The following INVS variants were observed in gnomAD, a reference collection of about 807,000 sequenced individuals.
INVS encodes inversin.
A neutral mutation model predicts 108.8 loss-of-function variants in INVS; 86 were observed. That is an observed-to-expected ratio of 0.79 (90% CI 0.66 to 0.95). The LOEUF (loss-of-function observed/expected upper bound fraction) is 0.95. Ranked by LOEUF, INVS falls within the 40% of genes least tolerant of loss-of-function variation. The pLI is 0.00. For missense variants in INVS, 1,169 were observed against 1,297.4 expected (o/e 0.90, Z 1.52); for synonymous variants, 455 against 473.5 (o/e 0.96, Z 0.51).
intron 3 of INVS, among the ~76,000 whole-genome samples, chr9:100,160,311 T>C (rs1829129342): frequency 6.6e-6 from 1 of 152,206 alleles, no homozygotes; most frequent in Non-Finnish European, 1.5e-5. Flanking sequence ...GCACCATTTG[T>C]ACACCTCGTA....
intron 8 of INVS, 111 bp from the exon 9 acceptor site, chr9:100,252,172 A>T: frequency 1.7e-6 from 2 of 1,206,272 alleles, no homozygotes; most frequent in Non-Finnish European, 2.4e-6. Flanking sequence ...TAAAATGGAG[A>T]TTGCATTTAT....
rs79770620 is a variant in INVS at position 100,198,244 on chromosome 9, T to C, written c.274-27818T>C. 3.5e-3 allele frequency among the ~76,000 whole-genome samples: 505 copies of C among 145,310 alleles called. 4 individuals are homozygous for C. The highest frequency in any genetic ancestry group is 0.012 in the African/African-American group (474 of 39,728). On this transcript the variant is annotated intron_variant, in intron 3 of 16. Coordinates refer to ENST00000262457, the MANE Select transcript of INVS (RefSeq NM_014425.5). ...CCTCAACTTTAATGGTGTTGACACA[T>C]TTGAAGATTGAGGGCTAGAATTTTT...
chr9:100,101,025 TTA>T (rs973040485), intron 1 of INVS, among the ~76,000 whole-genome samples: 33 of 85,440 alleles, frequency 3.9e-4, no homozygotes, highest in Non-Finnish European at 6.7e-4. Context: ...TGTATATATA[TTA>T]TATATATTAT....
intron 3 of INVS, among the ~76,000 whole-genome samples, chr9:100,153,759 A>G (rs552857906): frequency 6.6e-6 from 1 of 152,316 alleles, no homozygotes; most frequent in East Asian, 1.9e-4. Context: ...TCCACAGTGG[A>G]AAGCAGAAGG....
At chr9:100,100,803 G>T (rs866687421) in intron 1 of INVS, among the ~76,000 whole-genome samples, 2 of 3,266 alleles carry the variant, frequency 6.1e-4, no homozygotes, top group Non-Finnish European at 9.5e-4. Context: ...TATAATATAT[G>T]TATATATAAT....
At chr9:100,131,962 T>C in intron 3 of INVS, 8 of 931,968 alleles carry the variant, frequency 8.6e-6, no homozygotes, top group Non-Finnish European at 1.0e-5. Context: ...CAGGTAACAC[T>C]ATTAGGTTTT....
intron 3 of INVS, among the ~76,000 whole-genome samples, chr9:100,162,150 G>T (rs73507828): frequency 6.6e-6 from 1 of 152,280 alleles, no homozygotes; most frequent in African/African-American, 2.4e-5. Context: ...GTTCAGAAAT[G>T]CAGTCTATGC....
intron 8 of INVS, among the ~76,000 whole-genome samples, chr9:100,248,038 G>A (rs1056324286): frequency 1.3e-5 from 2 of 151,838 alleles, no homozygotes; most frequent in East Asian, 1.9e-4. Flanking sequence ...GGCTGGTCTC[G>A]AACTTCTGAG....
intron 3 of INVS, among the ~76,000 whole-genome samples, chr9:100,185,679 A>G (rs1009230442): frequency 3.3e-5 from 5 of 151,604 alleles, no homozygotes; most frequent in African/African-American, 1.2e-4. Context: ...CCCAATATGT[A>G]GCTTTTTATT....
At chr9:100,209,980 C>T (rs911723580) in intron 3 of INVS, among the ~76,000 whole-genome samples, 2 of 152,102 alleles carry the variant, frequency 1.3e-5, no homozygotes, top group African/African-American at 2.4e-5. Flanking sequence ...ATCCTCCACA[C>T]ACAATGCCGT....
At chr9:100,189,000 T>A (rs953824069) in intron 3 of INVS, among the ~76,000 whole-genome samples, 1 of 152,072 alleles carries the variant, frequency 6.6e-6, no homozygotes, top group African/African-American at 2.4e-5. Context: ...TTCACAGTAG[T>A]CTCAAATGAT....
chr9:100,178,204 A>G (rs1024432232), intron 3 of INVS, among the ~76,000 whole-genome samples: 1 of 152,212 alleles, frequency 6.6e-6, no homozygotes, highest in Non-Finnish European at 1.5e-5. Flanking sequence ...AAATTCCAAA[A>G]ACCAGAACAC....
intron 3 of INVS, among the ~76,000 whole-genome samples, chr9:100,132,797 T>G (rs1828092956): frequency 6.6e-6 from 1 of 152,060 alleles, no homozygotes; most frequent in Non-Finnish European, 1.5e-5. Flanking sequence ...TTTAATTATC[T>G]TAAGCATAGA....
intron 7 of INVS, 99 bp from the exon 8 acceptor site, chr9:100,246,517 C>T (rs1458838567): frequency 1.2e-6 from 1 of 809,724 alleles, no homozygotes; most frequent in Non-Finnish European, 2.0e-6. Context: ...GGGGAAAATG[C>T]TTTGCTTCTT....
intron 1 of INVS, among the ~76,000 whole-genome samples, chr9:100,103,489 G>C (rs117437066): frequency 7.2e-4 from 109 of 152,054 alleles, no homozygotes; most frequent in Non-Finnish European, 1.0e-3. Flanking sequence ...TTAGCCGGTC[G>C]TGATGGCAGG....
intron 3 of INVS, among the ~76,000 whole-genome samples, chr9:100,155,712 A>G (rs1828954003): frequency 6.6e-6 from 1 of 152,248 alleles, no homozygotes; most frequent in African/African-American, 2.4e-5. Flanking sequence ...AGACAGCTAC[A>G]AAGAAATCCT....
intron 3 of INVS, among the ~76,000 whole-genome samples, chr9:100,137,030 A>G (rs928732751): frequency 4.0e-5 from 6 of 151,750 alleles, no homozygotes; most frequent in Non-Finnish European, 7.4e-5. Flanking sequence ...GCAGAGGGAG[A>G]CTCCTTCTCA....
intron 3 of INVS, among the ~76,000 whole-genome samples, chr9:100,185,557 A>G (rs984879516): frequency 8.2e-6 from 1 of 121,392 alleles, no homozygotes; most frequent in Non-Finnish European, 1.7e-5. Context: ...ATATATATAT[A>G]TTCATTTTAG....
intron 10 of INVS, among the ~76,000 whole-genome samples, chr9:100,264,099 G>C (rs776811433): frequency 7.9e-5 from 12 of 152,122 alleles, no homozygotes; most frequent in Non-Finnish European, 1.8e-4. Context: ...ACTATGAAGT[G>C]TCCCTCTTTA....
Sources: allele counts gnomAD v4.1 joint callset (sites outside exome capture counted in the v4.1 genomes callset), GRCh38; gene constraint gnomAD v4.1.1; transcripts MANE v1.5; gene names NCBI Gene and HGNC (gene_info 2026-07-23, HGNC 2026-07-21).